SLC2A2: variants seen among roughly 807,000 people sequenced by gnomAD.
SLC2A2 encodes the protein solute carrier family 2 member 2, also known as solute carrier family 2, facilitated glucose transporter member 2.
A neutral mutation model predicts 54.5 loss-of-function variants in SLC2A2; 36 were observed. That is an observed-to-expected ratio of 0.66 (90% CI 0.51 to 0.87). SLC2A2 has a LOEUF of 0.87. SLC2A2 is among the 40% of genes least tolerant of loss of function. The pLI, the probability that SLC2A2 is intolerant of heterozygous loss-of-function variation, is 0.00. For synonymous variants in SLC2A2, 223 were observed against 219.1 expected, an observed-to-expected ratio of 1.02 and a Z score of -0.16; for missense variants, 543 against 624.3, an observed-to-expected ratio of 0.87 and a Z score of 1.39.
At chr3:171,007,123 G>T in intron 5 of SLC2A2, 25 bp downstream of exon 5, 1 of 1,297,688 alleles carries the variant, frequency 7.7e-7, no homozygotes, top group Non-Finnish European at 1.1e-6. Context: ...GGGTGCAGTA[G>T]GGGATAAGGA....
chr3:171,019,084 T>C (rs1208759527), intron 1 of SLC2A2, among the ~76,000 whole-genome samples: 1 of 81,998 alleles, frequency 1.2e-5, no homozygotes, highest in East Asian at 2.8e-4. Flanking sequence ...TGTATATATA[T>C]ATGTGTGTGT....
intron 1 of SLC2A2, among the ~76,000 whole-genome samples, chr3:171,025,132 C>T (rs1716629609): frequency 6.6e-6 from 1 of 151,984 alleles, no homozygotes; most frequent in Non-Finnish European, 1.5e-5. Flanking sequence ...TTATATTGAC[C>T]TTAAAGTTCT....
chr3:171,010,358 C>G (rs1190009182), intron 3 of SLC2A2, among the ~76,000 whole-genome samples: 5 of 152,090 alleles, frequency 3.3e-5, no homozygotes, highest in African/African-American at 4.8e-5. Flanking sequence ...CTCACTCGCT[C>G]TGTCACTCAG....
intron 2 of SLC2A2, among the ~76,000 whole-genome samples, chr3:171,015,194 C>T (rs1313095993): frequency 6.6e-6 from 1 of 152,100 alleles, no homozygotes; most frequent in East Asian, 1.9e-4. Flanking sequence ...CTAGGCCAGG[C>T]GCGGTGGCTC....
In SLC2A2 at chr3:170,996,535, G is replaced by C; in HGVS notation, c.*1368C>G. 2 of 397,502 alleles carry C rather than the reference G, an allele frequency of 5.0e-6. No homozygotes were observed. The highest frequency in any genetic ancestry group is 8.9e-6 in the Non-Finnish European group (2 of 225,260). The allele number at this position is 397,502 out of a possible 1,614,324, so 24.6% of individuals were successfully genotyped here. On this transcript the variant is annotated 3_prime_UTR_variant, in exon 11 of 11. Coordinates refer to ENST00000314251, the MANE Select transcript of SLC2A2 (RefSeq NM_000340.2). ...ATTGATCAGTGCTCCAGTTGGTGGA[G>C]AAAACAGCCTAGAGATACGTTAGCA...
In SLC2A2 at chr3:171,018,859, CA is replaced by C. The variant is rs577084506; in HGVS notation, c.16-237del. 1.2e-3 allele frequency among the ~76,000 whole-genome samples: 186 copies of C among 152,008 alleles called. 1 individual carries two copies. The highest frequency in any genetic ancestry group is 4.3e-3 in the African/African-American group (180 of 41,466). Reference sequence around the variant, plus strand: ...CAAAGAAGTTTGGGACAGCTTCTTCCAGGGGAGGAAACAAACATTCTTTTCC... The same window carrying C: ...CAAAGAAGTTTGGGACAGCTTCTTCCGGGGAGGAAACAAACATTCTTTTCC... On this transcript the variant is annotated intron_variant, in intron 1 of 10. Coordinates refer to ENST00000314251, the MANE Select transcript of SLC2A2 (RefSeq NM_000340.2).
intron 8 of SLC2A2, 143 bp downstream of exon 8, chr3:171,002,433 C>G: frequency 1.5e-6 from 1 of 686,700 alleles, no homozygotes; most frequent in South Asian, 1.5e-5. Flanking sequence ...AAACAGGACT[C>G]TTCTCATGAC....
intron 7 of SLC2A2, among the ~76,000 whole-genome samples, chr3:171,004,640 C>G (rs1204072722): frequency 6.6e-6 from 1 of 151,044 alleles, no homozygotes; most frequent in Non-Finnish European, 1.5e-5. Flanking sequence ...ATTTTTTCCT[C>G]TAGTAGTCAA....
intron 3 of SLC2A2, among the ~76,000 whole-genome samples, chr3:171,010,675 T>C (rs1037876793): frequency 2.6e-5 from 4 of 152,098 alleles, no homozygotes; most frequent in African/African-American, 9.7e-5. Flanking sequence ...TTGTATAAAT[T>C]ATTTGGAAGT....
chr3:170,998,097 A>C lies in SLC2A2; in HGVS notation c.1381T>G (p.Cys461Gly). 6.2e-7 allele frequency: 1 copy of C among 1,613,650 alleles called. No homozygotes were observed. Among genetic ancestry groups the C allele is most frequent in the Non-Finnish European group, 8.5e-7 (1 of 1,179,764 alleles). Residue 461 changes from cysteine (C) to glycine (G), a missense_variant, in exon 11 of 11, where the codon TGT becomes GGT. Transcript: ENST00000314251. The stretch of plus-strand genomic sequence containing the variant: ...AAGAGGAAAAACACATAAGGTCCAC[A>C]GAAGTCCTGGATAGAAAGCAAACAC... ...ALCFQYIADFCGPYVFFLFAG... is the reference protein window; with the variant it reads ...ALCFQYIADFGGPYVFFLFAG...
intron 7 of SLC2A2, among the ~76,000 whole-genome samples, chr3:171,005,048 T>C (rs984110479): frequency 2.0e-5 from 3 of 151,960 alleles, no homozygotes; most frequent in African/African-American, 7.2e-5. Flanking sequence ...CTTTTTGCCT[T>C]CACCTTAATA....
chr3:171,021,982 C>A (rs1038522086), intron 1 of SLC2A2, among the ~76,000 whole-genome samples: 1 of 152,168 alleles, frequency 6.6e-6, no homozygotes, highest in Non-Finnish European at 1.5e-5. Flanking sequence ...TCAGGGTAAT[C>A]CAGGAAAATC....
At chr3:171,010,360 G>T (rs7625135) in intron 3 of SLC2A2, among the ~76,000 whole-genome samples, 1,612 of 152,212 alleles carry the variant, frequency 0.011, 26 homozygotes, top group African/African-American at 0.028. Flanking sequence ...CACTCGCTCT[G>T]TCACTCAGGC....
At chr3:170,999,319 G>A (rs1334398176) in intron 8 of SLC2A2, among the ~76,000 whole-genome samples, 153 bp from the exon 9 acceptor site, 1 of 152,070 alleles carries the variant, frequency 6.6e-6, no homozygotes, top group Non-Finnish European at 1.5e-5. Context: ...TGAGATCAAG[G>A]TGGGGAGTGA....
chr3:171,014,849 C>T (rs186730644), intron 2 of SLC2A2, 118 bp from the exon 3 acceptor site: 3 of 776,868 alleles, frequency 3.9e-6, no homozygotes, highest in East Asian at 2.6e-5. Flanking sequence ...GTTTTATATA[C>T]ATATAAACAT....
At chr3:171,013,121 G>C (rs974501882) in intron 3 of SLC2A2, among the ~76,000 whole-genome samples, 12 of 152,084 alleles carry the variant, frequency 7.9e-5, no homozygotes, top group African/African-American at 2.9e-4. Context: ...ATTTTAGAAC[G>C]TAATTTAATT....
At chr3:171,008,860 A>T (rs1324977324) in intron 4 of SLC2A2, among the ~76,000 whole-genome samples, 1 of 152,074 alleles carries the variant, frequency 6.6e-6, no homozygotes, top group African/African-American at 2.4e-5. Context: ...AGCTACACTG[A>T]TCTTCAGTTA....
At chr3:171,023,171 T>C (rs1418003081) in intron 1 of SLC2A2, among the ~76,000 whole-genome samples, 1 of 152,168 alleles carries the variant, frequency 6.6e-6, no homozygotes, top group African/African-American at 2.4e-5. Context: ...GGCCTGCAGT[T>C]CCTTATTTTA....
intron 2 of SLC2A2, among the ~76,000 whole-genome samples, chr3:171,015,313 A>G (rs150202336): frequency 0.011 from 1,624 of 152,140 alleles, 26 homozygotes; most frequent in African/African-American, 0.028. Flanking sequence ...TACGAAGAAT[A>G]CTAAAAATTA....
Sources: gnomAD v4.1 joint callset for allele counts (sites outside exome capture counted in the v4.1 genomes callset) on GRCh38, gnomAD v4.1.1 for gene constraint, MANE v1.5 for transcripts, NCBI Gene and HGNC (gene_info 2026-07-23, HGNC 2026-07-21) for gene names.